CDH12: variants seen among roughly 807,000 people sequenced by gnomAD.
The protein encoded by CDH12 is cadherin-12.
A neutral mutation model predicts 74.1 loss-of-function variants in CDH12; 41 were observed. The observed-to-expected ratio is 0.55, with a 90% CI of 0.43 to 0.72. CDH12 has a LOEUF of 0.72. CDH12 is among the 30% of genes least tolerant of loss of function. The probability of loss-of-function intolerance (pLI) is 0.00; values close to 1 mark genes in which losing one functional copy is unlikely to be tolerated. For missense variants in CDH12, 945 were observed against 977.2 expected (o/e 0.97, Z 0.44); for synonymous variants, 399 against 355.0 (o/e 1.12, Z -1.39).
intron 1 of CDH12, among the ~76,000 whole-genome samples, chr5:22,754,305 T>A (rs1348653141): frequency 1.3e-5 from 2 of 151,914 alleles, no homozygotes; most frequent in East Asian, 3.9e-4. Context: ...AAACAAAAAA[T>A]TATAGGAGCC....
chr5:22,441,003 T>A (rs139192700), intron 2 of CDH12, among the ~76,000 whole-genome samples: 1 of 152,062 alleles, frequency 6.6e-6, no homozygotes, highest in South Asian at 2.1e-4. Context: ...GCAGGCAGAG[T>A]ACAGGTTGGA....
intron 6 of CDH12, among the ~76,000 whole-genome samples, chr5:21,951,461 C>A (rs112968413): frequency 1.3e-5 from 2 of 151,938 alleles, no homozygotes; most frequent in African/African-American, 4.8e-5. Context: ...TTGGCCAGGC[C>A]GGTCACAAAC....
At chr5:22,190,265 C>A (rs1198147034) in intron 4 of CDH12, among the ~76,000 whole-genome samples, 1 of 151,960 alleles carries the variant, frequency 6.6e-6, no homozygotes, top group Non-Finnish European at 1.5e-5. Context: ...TACATATAGA[C>A]ACACAATTTT....
chr5:22,106,297 C>T (rs1254361273), intron 4 of CDH12, among the ~76,000 whole-genome samples: 1 of 152,062 alleles, frequency 6.6e-6, no homozygotes, highest in Non-Finnish European at 1.5e-5. Context: ...AACAAGATTT[C>T]TCTGTGTTTT....
intron 6 of CDH12, among the ~76,000 whole-genome samples, chr5:21,888,702 AC>A (rs542782017): frequency 1.9e-4 from 29 of 152,266 alleles, no homozygotes; most frequent in Admixed American, 8.5e-4. Context: ...TGTTATTCCT[AC>A]ATAGATATAA....
intron 1 of CDH12, among the ~76,000 whole-genome samples, chr5:22,731,897 T>C (rs1010425378): frequency 4.0e-5 from 6 of 151,846 alleles, no homozygotes; most frequent in Non-Finnish European, 7.4e-5. Context: ...TGCTTAAACA[T>C]GAACTTAGTA....
intron 13 of CDH12, 118 bp downstream of exon 13, chr5:21,760,440 T>G: frequency 3.0e-6 from 2 of 667,624 alleles, no homozygotes; most frequent in East Asian, 2.5e-5. Context: ...GCCTTTCTCA[T>G]GTAAGGATCT....
chr5:21,863,250 CGG>C (rs1561251993), intron 6 of CDH12, among the ~76,000 whole-genome samples: 6 of 151,976 alleles, frequency 3.9e-5, no homozygotes, highest in Non-Finnish European at 5.9e-5. Context: ...CATGCCTCTG[CGG>C]TCTTGAATAG....
rs186413908 is a variant in CDH12, at chr5:22,043,964, C to G, written c.231+34482G>C. ...GTTACAAATAAGTGGAAAAATACCC[C>G]ATGTTCATGGATTGGAAGAATCAAT... is the stretch of plus-strand genomic sequence containing the variant. On this transcript the variant is annotated intron_variant, in intron 5 of 14. Transcript: ENST00000382254. Among the ~76,000 whole-genome samples the G allele has an allele frequency of 1.2e-4, 19 of 152,198 alleles. No individual in the cohort carries two copies. In the East Asian group the frequency reaches 3.5e-3, roughly 28 times the overall value.
At chr5:22,223,381 T>G (rs1752084524) in intron 3 of CDH12, among the ~76,000 whole-genome samples, 1 of 151,968 alleles carries the variant, frequency 6.6e-6, no homozygotes, top group Non-Finnish European at 1.5e-5. Flanking sequence ...TTGATCACAG[T>G]CTAAGAAAAA....
intron 5 of CDH12, among the ~76,000 whole-genome samples, chr5:22,072,779 T>A (rs1742044766): frequency 1.3e-5 from 2 of 151,980 alleles, no homozygotes; most frequent in South Asian, 4.1e-4. Flanking sequence ...TTCTCATTGT[T>A]CAATTCCCAC....
At chr5:22,677,032 T>G (rs1741228915) in intron 1 of CDH12, among the ~76,000 whole-genome samples, 1 of 152,278 alleles carries the variant, frequency 6.6e-6, no homozygotes, top group South Asian at 2.1e-4. Flanking sequence ...CTCCAGACAC[T>G]AGTTAAAAAT....
intron 6 of CDH12, among the ~76,000 whole-genome samples, chr5:21,900,073 A>G (rs1412188894): frequency 6.6e-6 from 1 of 152,182 alleles, no homozygotes; most frequent in African/African-American, 2.4e-5. Context: ...ACCATTTTAA[A>G]GACTTAATAA....
intron 4 of CDH12, among the ~76,000 whole-genome samples, chr5:22,203,956 A>G (rs1333818586): frequency 6.6e-6 from 1 of 152,208 alleles, no homozygotes; most frequent in Non-Finnish European, 1.5e-5. Context: ...AGAAGCAAAA[A>G]TAGATAAATG....
chr5:21,794,577 C>CCT (rs1746677731), intron 10 of CDH12, among the ~76,000 whole-genome samples: 1 of 151,592 alleles, frequency 6.6e-6, no homozygotes, highest in Non-Finnish European at 1.5e-5. Flanking sequence ...CCATATCAAA[C>CCT]CTTCTGTTTT....
intron 1 of CDH12, among the ~76,000 whole-genome samples, chr5:22,792,030 A>G (rs910610929): frequency 6.6e-6 from 1 of 151,960 alleles, no homozygotes; most frequent in African/African-American, 2.4e-5. Context: ...AGTCACATAA[A>G]CAATGGTAAT....
At chr5:22,795,887 CTG>C (rs1477645800) in intron 1 of CDH12, among the ~76,000 whole-genome samples, 4 of 151,940 alleles carry the variant, frequency 2.6e-5, no homozygotes, top group African/African-American at 9.7e-5. Flanking sequence ...TAAAGTGAGA[CTG>C]AGGACCACCT....
In CDH12 at chr5:22,752,541, ACTTCTTTTTTTTT is replaced by A. The variant is rs1231477288; in HGVS notation, c.-523+100504_-523+100516del. On this transcript the variant is annotated intron_variant, in intron 1 of 14. Coordinates refer to ENST00000382254, the MANE Select transcript of CDH12 (RefSeq NM_004061.5). ...CAGTGATGAAGAAAGCAGATAGGAT[ACTTCTTTTTTTTT>A]TTTTTTTTTTTTTTTTTTTCTTTTT... 2.5e-5 allele frequency among the ~76,000 whole-genome samples: 3 copies of A among 118,164 alleles called. No homozygotes were observed. The East Asian group carries it at 6.4e-4, about 25-fold the overall frequency. 77.5% of individuals were successfully genotyped at this position (118,164 alleles called of 152,430 possible).
chr5:22,825,818 C>A (rs372493408), intron 1 of CDH12, among the ~76,000 whole-genome samples: 2 of 152,048 alleles, frequency 1.3e-5, no homozygotes, highest in Non-Finnish European at 2.9e-5. Flanking sequence ...TGTTAAAGAC[C>A]AAATACTGGT....
Sources: allele counts gnomAD v4.1 joint callset (sites outside exome capture counted in the v4.1 genomes callset), GRCh38; gene constraint gnomAD v4.1.1; transcripts MANE v1.5; gene names NCBI Gene and HGNC (gene_info 2026-07-23, HGNC 2026-07-21).